The following COX15 variants were observed in gnomAD, a reference collection of about 807,000 sequenced individuals.
COX15 encodes heme A synthase COX15.
A neutral mutation model predicts 51.9 loss-of-function variants in COX15; 51 were observed. The ratio of observed to expected loss-of-function variants is 0.98; its 90% confidence interval spans 0.78 to 1.24. The LOEUF is 1.24. COX15 is among the 50% of genes most tolerant of loss of function. The pLI, the probability that COX15 is intolerant of heterozygous loss-of-function variation, is 0.00. For synonymous variants in COX15, 188 were observed against 190.5 expected (o/e 0.99, Z 0.11); for missense variants, 420 against 501.1 (o/e 0.84, Z 1.55).
chr10:99,723,897 T>A, intron 5 of COX15, 59 bp downstream of exon 5: 1 of 1,571,332 alleles, frequency 6.4e-7, no homozygotes, highest in Non-Finnish European at 8.8e-7. Context: ...CTTCTAGATA[T>A]ATATCCAAAA....
chr10:99,708,977 CA>C (rs2036305400), downstream of COX15: 2 of 985,308 alleles, frequency 2.0e-6, no homozygotes, highest in Non-Finnish European at 1.2e-6. Context: ...GCTTTGCTCA[CA>C]TTTAGGAATA....
chr10:99,706,205 T>C (rs1350580883), downstream of COX15: 3 of 152,162 alleles, frequency 2.0e-5, no homozygotes, highest in African/African-American at 7.2e-5. Context: ...AAAAAGAAAT[T>C]AAGATCATCC....
the COX15 span, chr10:99,704,871 T>A: frequency 1.6e-6 from 1 of 620,448 alleles, no homozygotes; most frequent in Non-Finnish European, 2.8e-6. Context: ...AGCTATAATT[T>A]AATCTGTGAG....
intron 7 of COX15, 119 bp downstream of exon 7, chr10:99,718,227 G>C (rs2036636488): frequency 2.8e-6 from 3 of 1,079,418 alleles, no homozygotes; most frequent in South Asian, 1.3e-5. Context: ...CTTCCAAAGA[G>C]AGCAGGAAAT....
intron 1 of COX15, among the ~76,000 whole-genome samples, chr10:99,730,128 C>G (rs906916454): frequency 1.3e-5 from 2 of 152,192 alleles, no homozygotes; most frequent in African/African-American, 4.8e-5. Flanking sequence ...GATGTATTCC[C>G]AGGCTCTTCA....
At chr10:99,700,393 CGT>C in the COX15 span, among the ~76,000 whole-genome samples, 3 of 103,618 alleles carry the variant, frequency 2.9e-5, no homozygotes, top group East Asian at 8.9e-4. Flanking sequence ...TCCAACGTAC[CGT>C]GTGTGTGTGT....
At chr10:99,710,510 G>GT (rs887661994), downstream of COX15, 14 of 985,194 alleles carry the variant, frequency 1.4e-5, no homozygotes, top group African/African-American at 1.7e-5. Context: ...TTAAGACTCT[G>GT]TTTTTTCTAC....
chr10:99,695,636 C>T, the COX15 span, among the ~76,000 whole-genome samples: 1 of 152,080 alleles, frequency 6.6e-6, no homozygotes, highest in South Asian at 2.1e-4. Flanking sequence ...AACACATTCC[C>T]ATTGAGGGAA....
chr10:99,719,209 C>T, intron 6 of COX15, among the ~76,000 whole-genome samples: 1 of 152,072 alleles, frequency 6.6e-6, no homozygotes, highest in East Asian at 1.9e-4. Context: ...GTTTGGGTCA[C>T]ACTCGCTTTT....
intron 6 of COX15, among the ~76,000 whole-genome samples, chr10:99,720,305 C>T (rs746418554): frequency 5.3e-5 from 8 of 152,050 alleles, no homozygotes; most frequent in Non-Finnish European, 1.2e-4. Context: ...ATCAGCTGGG[C>T]GTGGTGGTGT....
intron 2 of COX15, among the ~76,000 whole-genome samples, 179 bp from the exon 3 acceptor site, chr10:99,727,742 C>A (rs1033879969): frequency 6.6e-6 from 1 of 152,154 alleles, no homozygotes; most frequent in Admixed American, 6.5e-5. Context: ...CAGCTGCCAT[C>A]AGGTACAAAT....
rs1440228911 is a variant in COX15 at position 99,732,082 on chromosome 10, A to G, written c.-33T>C. The G allele has an allele frequency of 3.1e-6, 5 of 1,602,614 alleles. No individual in the cohort carries two copies. In the South Asian group the frequency reaches 3.4e-5, roughly 11 times the overall value. ...ACAGGGAACAGCCACCTCTTCCACA[A>G]CCCAGGGCTCTGTGGTCTCCCTCCT... is the stretch of plus-strand genomic sequence containing the variant. On this transcript the variant is annotated 5_prime_UTR_variant, in exon 1 of 9. Coordinates refer to ENST00000016171, the MANE Select transcript of COX15 (RefSeq NM_078470.6).
At chr10:99,721,774 A>C (rs563104436) in intron 5 of COX15, among the ~76,000 whole-genome samples, 65 of 152,320 alleles carry the variant, frequency 4.3e-4, no homozygotes, top group African/African-American at 1.5e-3. Context: ...GGAGAGCTTG[A>C]AACATGTGGC....
chr10:99,695,359 T>TA, the COX15 span, among the ~76,000 whole-genome samples: 2 of 151,934 alleles, frequency 1.3e-5, no homozygotes, highest in Non-Finnish European at 2.9e-5. Context: ...CCGTCTCCAC[T>TA]AAAAATACAA....
chr10:99,729,041 T>C (rs1468515213), intron 2 of COX15, among the ~76,000 whole-genome samples: 1 of 152,238 alleles, frequency 6.6e-6, no homozygotes, highest in East Asian at 1.9e-4. Context: ...CCAGTCTTTA[T>C]AGAAGGCTCC....
At chr10:99,698,915 T>C in the COX15 span, 71 of 1,496,964 alleles carry the variant, frequency 4.7e-5, no homozygotes, top group Non-Finnish European at 6.0e-5. Context: ...ATTGAATGCC[T>C]CACTCTGTGC....
chr10:99,718,324 G>A, intron 7 of COX15, 22 bp downstream of exon 7: 3 of 1,613,850 alleles, frequency 1.9e-6, no homozygotes, highest in Non-Finnish European at 2.5e-6. Flanking sequence ...CTCTCTGGCA[G>A]GTAACCACCA....
rs780287930 is a variant in COX15, at chr10:99,732,100, T to C, written c.-51A>G. ...TTCCACAACCCAGGGCTCTGTGGTC[T>C]CCCTCCTCCGCCAAGGAAAAGAGAA... On this transcript the variant is annotated 5_prime_UTR_variant, in exon 1 of 9. Transcript: ENST00000016171. The C allele has an allele frequency of 2.5e-6, 4 of 1,586,122 alleles. No homozygotes were observed. Among genetic ancestry groups the C allele is most frequent in the Non-Finnish European group, 3.4e-6 (4 of 1,165,850 alleles).
chr10:99,710,107 G>A (rs1055490860), downstream of COX15: 4 of 985,374 alleles, frequency 4.1e-6, no homozygotes, highest in Non-Finnish European at 3.6e-6. Flanking sequence ...CTTTTAAAGG[G>A]CAACCACTTG....
Sources: gnomAD v4.1 joint callset for allele counts (sites outside exome capture counted in the v4.1 genomes callset) on GRCh38, gnomAD v4.1.1 for gene constraint, MANE v1.5 for transcripts, NCBI Gene and HGNC (gene_info 2026-07-23, HGNC 2026-07-21) for gene names.